HIF3A: variants seen among roughly 807,000 people sequenced by gnomAD.
HIF3A encodes the protein hypoxia inducible factor 3 subunit alpha.
In HIF3A, 41 loss-of-function variants were observed where a neutral mutation model predicts 67.2. The observed-to-expected ratio is 0.61, with a 90% confidence interval of 0.48 to 0.79. HIF3A has a LOEUF of 0.79. Among genes scored for constraint, HIF3A ranks in the 30% least tolerant of loss-of-function variants. HIF3A has a pLI of 0.00. For synonymous variants in HIF3A, 356 were observed against 374.8 expected, an observed-to-expected ratio of 0.95 and a Z score of 0.58; for missense variants, 855 against 898.0, an observed-to-expected ratio of 0.95 and a Z score of 0.61.
intron 11 of HIF3A, among the ~76,000 whole-genome samples, chr19:46,327,677 C>G (rs1266644004): frequency 1.3e-5 from 2 of 152,146 alleles, no homozygotes; most frequent in Non-Finnish European, 2.9e-5. Flanking sequence ...CAGGGTCACC[C>G]TTACTTTAGA....
intron 8 of HIF3A, 35 bp from the exon 9 acceptor site, chr19:46,320,408 C>G: frequency 6.5e-7 from 1 of 1,543,760 alleles, no homozygotes; most frequent in Non-Finnish European, 9.0e-7. Context: ...AGGACCCTCC[C>G]TGACTCCCAC....
At position 46,309,935 on chromosome 19, in the gene HIF3A, C is replaced by G. The variant is rs560473060; in HGVS notation, c.770+576C>G. Among the ~76,000 whole-genome samples the G allele has an allele frequency of 5.3e-5, 8 of 151,898 alleles. No homozygotes were observed. In the South Asian group the frequency reaches 1.7e-3, roughly 32 times the overall value. On this transcript the variant is annotated intron_variant, in intron 6 of 14. Transcript: ENST00000377670. ...GACCCCGTCTCTACAAAAAAATTAG[C>G]CAAGTGGGGCCGGGTGCAGTGGCTC...
In HIF3A at chr19:46,332,599, A is replaced by G. The variant is rs546624060; in HGVS notation, c.1830+1326A>G. ...TGTCACTTCTGCAAGGCCTCCCTCT[A>G]GGACCTTTCATGGCCCTCTAGTGCT... On this transcript the variant is annotated intron_variant, in intron 13 of 14. Transcript: ENST00000377670. Among the ~76,000 whole-genome samples the G allele has an allele frequency of 2.0e-5, 3 of 152,332 alleles. No individual in the cohort carries two copies. The South Asian group carries it at 6.2e-4, about 32-fold the overall frequency.
chr19:46,333,010 A>C (rs56263430), intron 13 of HIF3A, among the ~76,000 whole-genome samples: 44,164 of 149,918 alleles, frequency 0.29, 7,319 homozygotes, highest in African/African-American at 0.43. Flanking sequence ...ACCTCTCTCT[A>C]TATATATATA....
In HIF3A at chr19:46,309,307, G is replaced by T. The variant is rs1261539586; in HGVS notation, c.718G>T (p.Ala240Ser). The T allele has an allele frequency of 6.2e-6, 10 of 1,612,714 alleles. No homozygotes were observed. In the Middle Eastern group the frequency reaches 6.7e-4, roughly 107 times the overall value. The change falls in exon 6 of 15, where the codon GCC becomes TCC. Residue 240 changes from alanine (A) to serine (S), a missense_variant. By Grantham distance (99) the Ala-to-Ser change is moderately conservative (BLOSUM62 1). Coordinates refer to ENST00000377670, the MANE Select transcript of HIF3A (RefSeq NM_152795.4). The stretch of plus-strand genomic sequence containing the variant: ...CCTGGAGCCCCCACTGGGCCGAGGG[G>T]CCTTCCTCAGCCGCCACAGCCTGGA... The part of the protein sequence containing the change: ...GSLEPPLGRG[A>S]FLSRHSLDMK...
At chr19:46,311,889 A>C (rs560864516) in intron 6 of HIF3A, among the ~76,000 whole-genome samples, 2 of 152,096 alleles carry the variant, frequency 1.3e-5, no homozygotes, top group South Asian at 2.1e-4. Flanking sequence ...CAAACAAAAA[A>C]CTTCTAATGT....
At chr19:46,325,934 A>ACAG (rs1970751164) in intron 11 of HIF3A, among the ~76,000 whole-genome samples, 1 of 152,242 alleles carries the variant, frequency 6.6e-6, no homozygotes, top group Non-Finnish European at 1.5e-5. Flanking sequence ...AGATAAAATG[A>ACAG]CAGCAGCATG....
intron 13 of HIF3A, among the ~76,000 whole-genome samples, chr19:46,333,800 T>TTG (rs1226308439): frequency 7.3e-5 from 10 of 137,210 alleles, no homozygotes; most frequent in Middle Eastern, 3.3e-3. Flanking sequence ...TTTTTTTTTT[T>TTG]TTTTTTTTTT....
At chr19:46,299,752 G>A (rs958818431) in intron 1 of HIF3A, among the ~76,000 whole-genome samples, 4 of 143,240 alleles carry the variant, frequency 2.8e-5, no homozygotes, top group African/African-American at 5.1e-5. Flanking sequence ...AAAGAAAACT[G>A]GGTATCACAC....
Position 46,341,698 on chromosome 19 carries a change from AATGG to A in HIF3A, c.*2077_*2080del, listed in dbSNP as rs1971942656. The A allele has an allele frequency of 6.8e-6, 1 of 148,092 alleles. No individual in the cohort carries two copies. Among genetic ancestry groups the A allele is most frequent in the Non-Finnish European group, 1.5e-5 (1 of 67,498 alleles). 9.2% of individuals were successfully genotyped at this position (148,092 alleles called of 1,614,324 possible). A position where few individuals can be genotyped will look rare whatever the true frequency, so the allele number is the denominator to read the frequency against. ...CTCTCTGTTGCCCAGGCTGGAGTAT[AATGG>A]TGCCATCTAGGCTCACTGCAACCTC... is the stretch of plus-strand genomic sequence containing the variant. On this transcript the variant is annotated 3_prime_UTR_variant, in exon 15 of 15. Coordinates refer to ENST00000377670, the MANE Select transcript of HIF3A (RefSeq NM_152795.4).
intron 14 of HIF3A, among the ~76,000 whole-genome samples, chr19:46,338,930 G>A (rs1188223761): frequency 6.6e-6 from 1 of 152,194 alleles, no homozygotes; most frequent in East Asian, 1.9e-4. Context: ...TAACTGCCAG[G>A]AAGGGGAGAC....
intron 3 of HIF3A, among the ~76,000 whole-genome samples, chr19:46,306,174 G>C (rs372369538): frequency 8.5e-5 from 13 of 152,298 alleles, no homozygotes; most frequent in African/African-American, 3.1e-4. Context: ...AGGTCATCAG[G>C]GTAGACTGTG....
chr19:46,321,349 C>T (rs1390008399), intron 9 of HIF3A, among the ~76,000 whole-genome samples: 4 of 152,052 alleles, frequency 2.6e-5, no homozygotes, highest in African/African-American at 7.2e-5. Context: ...TTTGGGAGGC[C>T]GAGGTGGGCG....
Position 46,342,729 on chromosome 19 carries a change from T to A in HIF3A, c.*3107T>A, listed in dbSNP as rs986094603. On this transcript the variant is annotated 3_prime_UTR_variant, in exon 15 of 15. Coordinates refer to ENST00000377670, the MANE Select transcript of HIF3A (RefSeq NM_152795.4). ...GAATCTTATAACCTCAACTCCCTAATTCCAGACCCCAGCCTCCTAAATCTA... is the reference window on the plus strand; with the variant it reads ...GAATCTTATAACCTCAACTCCCTAAATCCAGACCCCAGCCTCCTAAATCTA... 4 of 152,188 alleles carry A rather than the reference T, an allele frequency of 2.6e-5. No homozygotes were observed. The highest frequency in any genetic ancestry group is 2.6e-4 in the Admixed American group (4 of 15,276). The allele number at this position is 152,188 out of a possible 1,614,324, so 9.4% of individuals were successfully genotyped here.
At chr19:46,325,179 T>C (rs1970686335) in intron 10 of HIF3A, among the ~76,000 whole-genome samples, 2 of 151,640 alleles carry the variant, frequency 1.3e-5, no homozygotes, top group Admixed American at 1.3e-4. Flanking sequence ...GTACTTTTAG[T>C]AGAGACAGGG....
intron 8 of HIF3A, among the ~76,000 whole-genome samples, chr19:46,317,658 A>G (rs1458430030): frequency 2.0e-5 from 3 of 152,050 alleles, no homozygotes; most frequent in Admixed American, 6.6e-5. Flanking sequence ...ACATGAGCTC[A>G]GGTGTCCCCC....
intron 14 of HIF3A, among the ~76,000 whole-genome samples, chr19:46,335,590 G>T (rs1044342542): frequency 2.0e-5 from 3 of 151,988 alleles, no homozygotes; most frequent in Non-Finnish European, 4.4e-5. Context: ...TTTTTAATTG[G>T]CTGGGCATGG....
chr19:46,330,645 G>A (rs1274212599), intron 12 of HIF3A, among the ~76,000 whole-genome samples: 1 of 151,746 alleles, frequency 6.6e-6, no homozygotes, highest in Non-Finnish European at 1.5e-5. Context: ...ATGGATGGTG[G>A]ATGGTTGGCA....
intron 1 of HIF3A, chr19:46,298,209 C>CCCCCCT: frequency 3.0e-6 from 1 of 334,540 alleles, no homozygotes; most frequent in Non-Finnish European, 6.0e-6. Flanking sequence ...TTTCTAACCG[C>CCCCCCT]CCCCATCCTC....
Sources: gnomAD v4.1 joint callset for allele counts (sites outside exome capture counted in the v4.1 genomes callset) on GRCh38, gnomAD v4.1.1 for gene constraint, MANE v1.5 for transcripts, NCBI Gene and HGNC (gene_info 2026-07-23, HGNC 2026-07-21) for gene names.